MTSS1: variants seen among roughly 807,000 people sequenced by gnomAD.
The protein encoded by MTSS1 is protein MTSS 1.
In MTSS1, 18 loss-of-function variants were observed where a neutral mutation model predicts 79.0. The observed-to-expected ratio is 0.23, with a 90% CI of 0.16 to 0.34. The LOEUF (loss-of-function observed/expected upper bound fraction) is 0.34, where lower values mean the gene tolerates loss of function less well. MTSS1 is among the 10% of genes least tolerant of loss of function. The pLI is 1.00. For missense variants in MTSS1, 815 were observed against 986.2 expected, an observed-to-expected ratio of 0.83 and a Z score of 2.33; for synonymous variants, 341 against 368.6, an observed-to-expected ratio of 0.93 and a Z score of 0.86.
At chr8:124,665,455 C>G (rs1235858935) in intron 3 of MTSS1, among the ~76,000 whole-genome samples, 1 of 152,218 alleles carries the variant, frequency 6.6e-6, no homozygotes, top group Non-Finnish European at 1.5e-5. Context: ...ATTCTTCATA[C>G]TCTTCCAGGA....
chr8:124,727,784 G>T lies in MTSS1; in HGVS notation c.72+100C>A. 1.9e-6 allele frequency: 2 copies of T among 1,079,492 alleles called. No homozygotes were observed. Among genetic ancestry groups the T allele is most frequent in the Non-Finnish European group, 2.5e-6 (2 of 785,586 alleles). The allele number at this position is 1,079,492 out of a possible 1,614,324, so 66.9% of individuals were successfully genotyped here. On this transcript the variant is annotated intron_variant, in intron 1 of 13. Transcript: ENST00000518547. This position sits in a 1 kb window ranked among gnomAD's most constrained non-coding sequence, Gnocchi z 4.7. The stretch of plus-strand genomic sequence containing the variant: ...CCCGCAGGTGGCCGGTGGCCACACT[G>T]CAGGGAAGGGCCGGGTGCCCGGCCC...
At chr8:124,600,024 G>A (rs924250647) in intron 3 of MTSS1, among the ~76,000 whole-genome samples, 9 of 148,974 alleles carry the variant, frequency 6.0e-5, no homozygotes, top group South Asian at 2.1e-4. Flanking sequence ...AGGCTCAAAC[G>A]TAGATGGTTG....
At chr8:124,681,166 T>C (rs1477948533) in intron 3 of MTSS1, among the ~76,000 whole-genome samples, 1 of 149,906 alleles carries the variant, frequency 6.7e-6, no homozygotes, top group Non-Finnish European at 1.5e-5. Flanking sequence ...GACAAATGTG[T>C]CTATGGAGTC....
intron 3 of MTSS1, among the ~76,000 whole-genome samples, chr8:124,687,557 G>A (rs1827189665): frequency 6.6e-6 from 1 of 152,166 alleles, no homozygotes. Flanking sequence ...AGAGACAGGG[G>A]TCAGGAAACA....
At position 124,712,196 on chromosome 8, in the gene MTSS1, A is replaced by C. The variant is rs532451608; in HGVS notation, c.73-8005T>G. ...CTTCTACCAGGAGATCAGTAGAGTC[A>C]ATCTGGGAGGGGCTTTTAAATCTCC... is the stretch of plus-strand genomic sequence containing the variant. On this transcript the variant is annotated intron_variant, in intron 1 of 13. Transcript: ENST00000518547. Among the ~76,000 whole-genome samples the C allele has an allele frequency of 4.7e-4, 72 of 152,184 alleles. 1 individual carries two copies. In the South Asian group the frequency reaches 6.2e-3, roughly 13 times the overall value.
At chr8:124,686,996 C>G (rs1035877761) in intron 3 of MTSS1, among the ~76,000 whole-genome samples, 1 of 152,192 alleles carries the variant, frequency 6.6e-6, no homozygotes, top group Non-Finnish European at 1.5e-5. Flanking sequence ...CACTACCTTT[C>G]TCAACCTGAG....
At chr8:124,568,123 AC>A in intron 7 of MTSS1, 1 of 689,008 alleles carries the variant, frequency 1.5e-6, no homozygotes, top group African/African-American at 1.8e-5. Context: ...TGGGGACCTC[AC>A]TTTGAGAACC....
At chr8:124,658,351 C>G (rs1040234634) in intron 3 of MTSS1, among the ~76,000 whole-genome samples, 10 of 152,186 alleles carry the variant, frequency 6.6e-5, no homozygotes, top group African/African-American at 2.4e-4. Flanking sequence ...CTCTCATTCT[C>G]TCTTGCCTGC....
chr8:124,601,483 G>A lies in MTSS1; in HGVS notation c.209-10248C>T, dbSNP rs145429232. 1.9e-3 allele frequency among the ~76,000 whole-genome samples: 287 copies of A among 152,292 alleles called. 1 individual carries two copies. Among genetic ancestry groups the A allele is most frequent in the South Asian group, 7.7e-3 (37 of 4,818 alleles). On this transcript the variant is annotated intron_variant, in intron 3 of 13. Coordinates refer to ENST00000518547, the MANE Select transcript of MTSS1 (RefSeq NM_014751.6). Reference sequence around the variant, plus strand: ...AGGGCTCGGGACTGTGTCATGGGACGCTCAGGGCCACTTAGGGACACTGCT... The same window carrying A: ...AGGGCTCGGGACTGTGTCATGGGACACTCAGGGCCACTTAGGGACACTGCT...
At chr8:124,699,380 G>T in intron 3 of MTSS1, 146 bp downstream of exon 3, 2 of 655,226 alleles carry the variant, frequency 3.1e-6, no homozygotes, top group Admixed American at 3.0e-5. Context: ...CTAATATGTG[G>T]AATCCCACAG....
At chr8:124,699,361 T>C (rs1177090044) in intron 3 of MTSS1, 165 bp downstream of exon 3, 6 of 611,496 alleles carry the variant, frequency 9.8e-6, no homozygotes, top group Non-Finnish European at 1.7e-5. Context: ...AGAAAACTAG[T>C]TGCAACTTCT....
At chr8:124,666,673 G>C (rs1035414840) in intron 3 of MTSS1, among the ~76,000 whole-genome samples, 1 of 152,182 alleles carries the variant, frequency 6.6e-6, no homozygotes, top group Non-Finnish European at 1.5e-5. Flanking sequence ...AAAAGATGAA[G>C]GGCCCCTGTG....
intron 3 of MTSS1, among the ~76,000 whole-genome samples, chr8:124,613,376 T>C (rs1009905310): frequency 6.6e-6 from 1 of 152,218 alleles, no homozygotes; most frequent in Non-Finnish European, 1.5e-5. Context: ...CGTAGTCAGA[T>C]CATCATGCAA....
rs1430184727 is a variant in MTSS1 at position 124,636,976 on chromosome 8, T to C, written c.209-45741A>G. On this transcript the variant is annotated intron_variant, in intron 3 of 13. Coordinates refer to ENST00000518547, the MANE Select transcript of MTSS1 (RefSeq NM_014751.6). ...GCTCTGAACTAAGAGGGGATTTTCCTCTGGCATCCATAAAGATGGCTACGG... is the reference window on the plus strand; with the variant it reads ...GCTCTGAACTAAGAGGGGATTTTCCCCTGGCATCCATAAAGATGGCTACGG... 2.6e-5 allele frequency among the ~76,000 whole-genome samples: 4 copies of C among 152,254 alleles called. No individual in the cohort carries two copies. The South Asian group carries it at 8.3e-4, about 31-fold the overall frequency.
rs565230246 is a variant in MTSS1 at position 124,683,833 on chromosome 8, C to A, written c.208+15693G>T. ...TTCCAGTGTCAATAAGAGAAGTTAC[C>A]AAGTGGATGGTGGTGAGGCCATAAC... On this transcript the variant is annotated intron_variant, in intron 3 of 13. Coordinates refer to ENST00000518547, the MANE Select transcript of MTSS1 (RefSeq NM_014751.6). The surrounding 1 kb of genome is among the most constrained non-coding windows in gnomAD (Gnocchi z 4.5). 6.6e-6 allele frequency among the ~76,000 whole-genome samples: 1 copy of A among 152,226 alleles called. No homozygotes were observed. Among genetic ancestry groups the A allele is most frequent in the African/African-American group, 2.4e-5 (1 of 41,522 alleles).
At chr8:124,678,826 A>G (rs1825708047) in intron 3 of MTSS1, among the ~76,000 whole-genome samples, 1 of 152,254 alleles carries the variant, frequency 6.6e-6, no homozygotes, top group South Asian at 2.1e-4. Context: ...TGAACAAGGT[A>G]GACCCAGTCT....
rs899524425 is a variant in MTSS1 at position 124,589,520 on chromosome 8, G to A, written c.385+100C>T. 6.9e-6 allele frequency: 6 copies of A among 875,032 alleles called. No individual in the cohort carries two copies. The East Asian group carries it at 1.0e-4, about 15-fold the overall frequency. 54.2% of individuals were successfully genotyped at this position (875,032 alleles called of 1,614,324 possible). A position where few individuals can be genotyped will look rare whatever the true frequency, so the allele number is the denominator to read the frequency against. On this transcript the variant is annotated intron_variant, in intron 5 of 13. Transcript: ENST00000518547. ...ACAGAGTGGGCCCTTGGCTGTTTTGGTGACACCAATAAACCTAGCAGAGGG... is the reference window on the plus strand; with the variant it reads ...ACAGAGTGGGCCCTTGGCTGTTTTGATGACACCAATAAACCTAGCAGAGGG...
intron 3 of MTSS1, among the ~76,000 whole-genome samples, chr8:124,625,097 C>T (rs1482179396): frequency 6.6e-6 from 1 of 152,074 alleles, no homozygotes; most frequent in Non-Finnish European, 1.5e-5. Context: ...ATTCTGGGCT[C>T]GGGAGCCAGA....
At chr8:124,590,113 C>G (rs140528417) in intron 4 of MTSS1, among the ~76,000 whole-genome samples, 2,703 of 152,300 alleles carry the variant, frequency 0.018, 87 homozygotes, top group African/African-American at 0.062. Context: ...CCTTGGCCTC[C>G]CAAAGTGCTG....
Sources: gnomAD v4.1 joint callset for allele counts (sites outside exome capture counted in the v4.1 genomes callset) on GRCh38, gnomAD v4.1.1 for gene constraint, Gnocchi (gnomAD v3.1) non-coding constraint, MANE v1.5 for transcripts, NCBI Gene and HGNC (gene_info 2026-07-23, HGNC 2026-07-21) for gene names.